Variants in CLSTN2 observed in about 807,000 individuals in gnomAD.
CLSTN2 encodes calsyntenin-2.
CLSTN2 carries 48 observed loss-of-function variants against 101.2 expected under a neutral mutation model. That is an observed-to-expected ratio of 0.47 (90% CI 0.38 to 0.60). The LOEUF (loss-of-function observed/expected upper bound fraction) is 0.60. Ranked by LOEUF, CLSTN2 falls within the 20% of genes least tolerant of loss-of-function variation. The pLI is 0.00. For synonymous variants in CLSTN2, 481 were observed against 463.6 expected (o/e 1.04, Z -0.48); for missense variants, 1,160 against 1,238.2 (o/e 0.94, Z 0.95).
intron 1 of CLSTN2, among the ~76,000 whole-genome samples, chr3:140,165,453 C>A (rs1377300088): frequency 6.6e-6 from 1 of 152,130 alleles, no homozygotes; most frequent in Non-Finnish European, 1.5e-5. Flanking sequence ...CCTCAGGGTT[C>A]TTCAGGAAAT....
intron 2 of CLSTN2, among the ~76,000 whole-genome samples, chr3:140,206,232 G>C (rs1242750549): frequency 6.6e-6 from 1 of 152,188 alleles, no homozygotes; most frequent in Non-Finnish European, 1.5e-5. Flanking sequence ...GAGGCAGGAT[G>C]CAGCCCAGAG....
At chr3:139,950,415 AAAT>A (rs761627111) in intron 1 of CLSTN2, among the ~76,000 whole-genome samples, 3 of 152,182 alleles carry the variant, frequency 2.0e-5, no homozygotes, top group Non-Finnish European at 4.4e-5. Context: ...GTTTTTCTCC[AAAT>A]AATGCTGCCA....
intron 1 of CLSTN2, among the ~76,000 whole-genome samples, chr3:140,148,925 T>C (rs2009820817): frequency 6.6e-6 from 1 of 152,130 alleles, no homozygotes; most frequent in African/African-American, 2.4e-5. Context: ...TGCAGCTGGT[T>C]GTTAGTAGGC....
intron 2 of CLSTN2, among the ~76,000 whole-genome samples, chr3:140,329,326 C>T (rs9837940): frequency 0.43 from 65,079 of 152,124 alleles, 14,756 homozygotes; most frequent in Non-Finnish European, 0.51. Context: ...CTGGAGGTTG[C>T]AGTGAGGCAA....
intron 2 of CLSTN2, among the ~76,000 whole-genome samples, chr3:140,189,027 G>A (rs943709943): frequency 6.6e-6 from 1 of 152,138 alleles, no homozygotes; most frequent in African/African-American, 2.4e-5. Context: ...CATACAGTAA[G>A]CAACCTTTTA....
At chr3:140,463,162 A>G (rs570255053) in intron 7 of CLSTN2, among the ~76,000 whole-genome samples, 8 of 152,274 alleles carry the variant, frequency 5.3e-5, no homozygotes, top group African/African-American at 1.9e-4. Flanking sequence ...ATTCCTCCTC[A>G]GCCCCTGCCT....
At chr3:140,354,437 G>T (rs945031040) in intron 2 of CLSTN2, among the ~76,000 whole-genome samples, 12 of 152,126 alleles carry the variant, frequency 7.9e-5, no homozygotes, top group Non-Finnish European at 1.5e-4. Context: ...GTCTTCTCAT[G>T]ACAACCACGT....
At chr3:140,381,080 G>C (rs2087977137) in intron 2 of CLSTN2, among the ~76,000 whole-genome samples, 1 of 152,224 alleles carries the variant, frequency 6.6e-6, no homozygotes, top group South Asian at 2.1e-4. Flanking sequence ...TGCTGCCTCT[G>C]ATGGCTAAAG....
At chr3:140,561,117 A>G (rs1165562063) in intron 12 of CLSTN2, among the ~76,000 whole-genome samples, 1 of 152,028 alleles carries the variant, frequency 6.6e-6, no homozygotes, top group Non-Finnish European at 1.5e-5. Context: ...TAAATGTTTT[A>G]TAACACACAA....
chr3:140,311,541 A>G (rs76531963), intron 2 of CLSTN2, among the ~76,000 whole-genome samples: 4,664 of 149,294 alleles, frequency 0.031, 163 homozygotes, highest in South Asian at 0.1. Flanking sequence ...TGAAATCCTG[A>G]CTTCAAGTGA....
rs139106643 is a variant in CLSTN2, at chr3:140,117,226, G to A, written c.110-58725G>A. Among the ~76,000 whole-genome samples, 91 of 152,274 alleles carry A rather than the reference G, an allele frequency of 6.0e-4. No individual in the cohort carries two copies. In the East Asian group the frequency reaches 0.015, roughly 25 times the overall value. On this transcript the variant is annotated intron_variant, in intron 1 of 16. Transcript: ENST00000458420. ...GACCTCTACCCTGCCCGCCGTGGTT[G>A]CCTCTCTGCAGCCTCTGACCTTCTC... is the stretch of plus-strand genomic sequence containing the variant.
chr3:140,443,114 C>T (rs1361051693), intron 5 of CLSTN2, among the ~76,000 whole-genome samples: 1 of 152,226 alleles, frequency 6.6e-6, no homozygotes, highest in African/African-American at 2.4e-5. Context: ...CCCGGTATCC[C>T]AATATCCAGC....
intron 1 of CLSTN2, among the ~76,000 whole-genome samples, chr3:140,171,728 A>ATATAATATATTAATATATAATATG (rs2010225690): frequency 1.2e-4 from 14 of 117,420 alleles, no homozygotes; most frequent in African/African-American, 4.8e-4. Context: ...TATATATTAT[A>ATATAATATATTAATATATAATATG]TATAATATAT....
At chr3:140,357,815 T>C (rs2087689539) in intron 2 of CLSTN2, among the ~76,000 whole-genome samples, 1 of 152,186 alleles carries the variant, frequency 6.6e-6, no homozygotes, top group Non-Finnish European at 1.5e-5. Context: ...GTCACCAATA[T>C]GTTCTAGTCA....
intron 1 of CLSTN2, among the ~76,000 whole-genome samples, chr3:139,965,622 G>A (rs1423923772): frequency 1.3e-5 from 2 of 152,150 alleles, no homozygotes; most frequent in East Asian, 1.9e-4. Flanking sequence ...CTCAGAGGAC[G>A]GGGGCAAACA....
chr3:140,053,012 G>C (rs6768370), intron 1 of CLSTN2, among the ~76,000 whole-genome samples: 6 of 152,154 alleles, frequency 3.9e-5, no homozygotes, highest in Admixed American at 2.6e-4. Flanking sequence ...AGCCAACCAC[G>C]AGCCTGCAGG....
intron 1 of CLSTN2, among the ~76,000 whole-genome samples, chr3:140,119,235 C>A (rs556994332): frequency 6.6e-6 from 1 of 152,308 alleles, no homozygotes; most frequent in African/African-American, 2.4e-5. Context: ...TAGTCATGTC[C>A]CCACTCAGCA....
At chr3:140,058,185 T>A (rs1008134572) in intron 1 of CLSTN2, among the ~76,000 whole-genome samples, 1 of 152,198 alleles carries the variant, frequency 6.6e-6, no homozygotes, top group Non-Finnish European at 1.5e-5. Context: ...TAAGCCAGTA[T>A]CCCTGCCCTC....
chr3:140,551,394 G>T (rs1206411081), intron 10 of CLSTN2, among the ~76,000 whole-genome samples: 1 of 151,868 alleles, frequency 6.6e-6, no homozygotes, highest in African/African-American at 2.4e-5. Flanking sequence ...GTCCTAAAAT[G>T]GTTTAGTGGC....
Sources: allele counts gnomAD v4.1 joint callset (sites outside exome capture counted in the v4.1 genomes callset), GRCh38; gene constraint gnomAD v4.1.1; transcripts MANE v1.5; gene names NCBI Gene and HGNC (gene_info 2026-07-23, HGNC 2026-07-21).